LAMA2: variants seen among roughly 807,000 people sequenced by gnomAD.
The protein encoded by LAMA2 is laminin subunit alpha 2, also known as laminin subunit alpha-2.
In LAMA2, 269 loss-of-function variants were observed where a neutral mutation model predicts 364.8. That is an observed-to-expected ratio of 0.74 (90% CI 0.67 to 0.82). The LOEUF is 0.82. Ranked by LOEUF, LAMA2 falls within the 40% of genes least tolerant of loss-of-function variation. The pLI, the probability that LAMA2 is intolerant of heterozygous loss-of-function variation, is 0.00. For missense variants in LAMA2, 3,807 were observed against 3,873.2 expected, an observed-to-expected ratio of 0.98 and a Z score of 0.45; for synonymous variants, 1,379 against 1,370.6, an observed-to-expected ratio of 1.01 and a Z score of -0.14.
chr6:129,276,622 T>G (rs1788345290), intron 17 of LAMA2, among the ~76,000 whole-genome samples: 1 of 152,188 alleles, frequency 6.6e-6, no homozygotes, highest in Admixed American at 6.6e-5. Flanking sequence ...GCAATTGTTT[T>G]GCTTTTGGCT....
At chr6:129,444,946 T>C (rs1209894456) in intron 44 of LAMA2, among the ~76,000 whole-genome samples, 1 of 152,256 alleles carries the variant, frequency 6.6e-6, no homozygotes, top group Non-Finnish European at 1.5e-5. Flanking sequence ...TGAAAGTCTA[T>C]GGATCAGTGA....
At chr6:128,894,947 G>A (rs886440734) in intron 1 of LAMA2, among the ~76,000 whole-genome samples, 1 of 152,160 alleles carries the variant, frequency 6.6e-6, no homozygotes, top group African/African-American at 2.4e-5. Context: ...AATGTATTGT[G>A]GACTCCCAGG....
rs370421399 is a variant in LAMA2 at position 129,217,520 on chromosome 6, C to T, written c.1782+24667C>T. 2.0e-5 allele frequency among the ~76,000 whole-genome samples: 3 copies of T among 152,246 alleles called. No homozygotes were observed. In the East Asian group the frequency reaches 5.8e-4, roughly 29 times the overall value. The stretch of plus-strand genomic sequence containing the variant: ...CCAGAGAGCTATGCATTACTCTGTA[C>T]AAAGGATATTTCTCCTATAAATAGT... On this transcript the variant is annotated intron_variant, in intron 12 of 64. Coordinates refer to ENST00000421865, the MANE Select transcript of LAMA2 (RefSeq NM_000426.4).
chr6:129,338,832 A>G (rs1455504381), intron 29 of LAMA2, among the ~76,000 whole-genome samples: 1 of 152,194 alleles, frequency 6.6e-6, no homozygotes, highest in Non-Finnish European at 1.5e-5. Flanking sequence ...GGATTTGCAA[A>G]TGAAAAGTCC....
At chr6:128,990,007 T>C (rs1783507699) in intron 1 of LAMA2, among the ~76,000 whole-genome samples, 1 of 152,210 alleles carries the variant, frequency 6.6e-6, no homozygotes, top group Admixed American at 6.5e-5. Context: ...GGTTTCAACA[T>C]ATGAATTTTA....
chr6:129,390,611 ATC>A (rs1236250504), intron 35 of LAMA2, among the ~76,000 whole-genome samples: 1 of 152,144 alleles, frequency 6.6e-6, no homozygotes, highest in African/African-American at 2.4e-5. Flanking sequence ...TTGAGAAAAC[ATC>A]TCTCTTAAAT....
intron 1 of LAMA2, among the ~76,000 whole-genome samples, chr6:129,033,217 TAA>T (rs56962805): frequency 7.1e-5 from 10 of 140,370 alleles, no homozygotes; most frequent in African/African-American, 1.5e-4. Context: ...TAGTTACTGA[TAA>T]AAAAAAAAAA....
intron 12 of LAMA2, among the ~76,000 whole-genome samples, chr6:129,229,614 C>G (rs924440937): frequency 6.6e-6 from 1 of 151,820 alleles, no homozygotes; most frequent in Non-Finnish European, 1.5e-5. Context: ...AACAGATAGA[C>G]CAGTTAAGAG....
rs116938857 is a variant in LAMA2 at position 129,250,371 on chromosome 6, T to A, written c.1884+158T>A. 2.6e-4 allele frequency among the ~76,000 whole-genome samples: 39 copies of A among 152,326 alleles called. No homozygotes were observed. In the East Asian group the frequency reaches 7.5e-3, roughly 29 times the overall value. On this transcript the variant is annotated intron_variant, in intron 13 of 64. Transcript: ENST00000421865. ...TTTGTGCCACTCTTTTGTTTCACTC[T>A]GAGACATATCTAGAAGATTGAGTAT...
Position 129,316,037 on chromosome 6 carries a change from G to A in LAMA2, c.3925-1G>A. The A allele has an allele frequency of 6.2e-7, 1 of 1,614,062 alleles. No homozygotes were observed. The highest frequency in any genetic ancestry group is 8.5e-7 in the Non-Finnish European group (1 of 1,179,968). Reference sequence around the variant, plus strand: ...ATAGTGATTTCTCTTCTTGTTAACAGAAAGAATGGAAATATTATGGGGATG... The same window carrying A: ...ATAGTGATTTCTCTTCTTGTTAACAAAAAGAATGGAAATATTATGGGGATG... On this transcript the variant is annotated splice_acceptor_variant, in intron 26 of 64. Coordinates refer to ENST00000421865, the MANE Select transcript of LAMA2 (RefSeq NM_000426.4). LOFTEE classifies it high-confidence loss of function.
intron 1 of LAMA2, among the ~76,000 whole-genome samples, chr6:129,013,631 C>T (rs1784903467): frequency 6.6e-6 from 1 of 152,088 alleles, no homozygotes; most frequent in Admixed American, 6.5e-5. Context: ...GGGACCAGAA[C>T]ATGTAGCACT....
intron 34 of LAMA2, among the ~76,000 whole-genome samples, chr6:129,375,372 T>C (rs1778313162): frequency 6.6e-6 from 1 of 152,172 alleles, no homozygotes; most frequent in Non-Finnish European, 1.5e-5. Flanking sequence ...TCCTTTCTTT[T>C]TTCAGAGCCA....
At chr6:129,146,921 CATCTT>C (rs753143335) in intron 5 of LAMA2, 33 bp from the exon 6 acceptor site, 1 of 1,265,322 alleles carries the variant, frequency 7.9e-7, no homozygotes, top group South Asian at 1.2e-5. Flanking sequence ...ACCTTGCAGT[CATCTT>C]AACAGGATTT....
At chr6:128,915,523 A>C (rs1256027618) in intron 1 of LAMA2, among the ~76,000 whole-genome samples, 2 of 152,198 alleles carry the variant, frequency 1.3e-5, no homozygotes, top group Non-Finnish European at 2.9e-5. Context: ...GCAGTTTACC[A>C]CAAGCCAGTT....
At chr6:129,484,848 G>A (rs1439532481) in intron 55 of LAMA2, among the ~76,000 whole-genome samples, 1 of 152,112 alleles carries the variant, frequency 6.6e-6, no homozygotes, top group African/African-American at 2.4e-5. Context: ...CATAAGAGAT[G>A]CAATGGTATT....
In LAMA2 at chr6:129,316,065, C is replaced by T; in HGVS notation, c.3952C>T (p.Pro1318Ser). 2 of 1,613,622 alleles carry T rather than the reference C, an allele frequency of 1.2e-6. No individual in the cohort carries two copies. The highest frequency in any genetic ancestry group is 1.7e-6 in the Non-Finnish European group (2 of 1,179,556). ...AGAATGGAAATATTATGGGGATGAT[C>T]CTCGAGTCCATAGAACTGTGACCCG... is the stretch of plus-strand genomic sequence containing the variant. Reference protein sequence around the residue: ...EKEWKYYGDDPRVHRTVTRED... With the variant: ...EKEWKYYGDDSRVHRTVTRED... The change falls in exon 27 of 65, where the codon CCT becomes TCT. Residue 1318 changes from proline to serine, a missense_variant. Coordinates refer to ENST00000421865, the MANE Select transcript of LAMA2 (RefSeq NM_000426.4).
intron 15 of LAMA2, among the ~76,000 whole-genome samples, chr6:129,266,656 T>C (rs1485845968): frequency 6.6e-6 from 1 of 152,096 alleles, no homozygotes; most frequent in Non-Finnish European, 1.5e-5. Context: ...GGGCAATTAG[T>C]ATATGGGCAA....
chr6:129,380,345 T>C (rs1778608645), intron 34 of LAMA2, among the ~76,000 whole-genome samples: 1 of 152,176 alleles, frequency 6.6e-6, no homozygotes, highest in East Asian at 1.9e-4. Context: ...AATTGTTTTT[T>C]AGTCCTGTAT....
intron 17 of LAMA2, among the ~76,000 whole-genome samples, chr6:129,271,431 C>A (rs1787926034): frequency 1.3e-5 from 2 of 151,318 alleles, no homozygotes; most frequent in Non-Finnish European, 2.9e-5. Flanking sequence ...CACACCCCAA[C>A]CAAAAATGTT....
Sources: allele counts gnomAD v4.1 joint callset (sites outside exome capture counted in the v4.1 genomes callset), GRCh38; gene constraint gnomAD v4.1.1; transcripts MANE v1.5; gene names NCBI Gene and HGNC (gene_info 2026-07-23, HGNC 2026-07-21).